The following CEP43 variants were observed in gnomAD, a reference collection of about 807,000 sequenced individuals.
CEP43 encodes FGFR1 oncogene partner.
A neutral mutation model predicts 52.6 loss-of-function variants in CEP43; 36 were observed. That is an observed-to-expected ratio of 0.68 (90% CI 0.52 to 0.90). The LOEUF (loss-of-function observed/expected upper bound fraction) is 0.90, where lower values mean the gene tolerates loss of function less well. Among genes scored for constraint, CEP43 ranks in the 40% least tolerant of loss-of-function variants. The pLI, the probability that CEP43 is intolerant of heterozygous loss-of-function variation, is 0.00. For missense variants in CEP43, 506 were observed against 472.8 expected, an observed-to-expected ratio of 1.07 and a Z score of -0.65; for synonymous variants, 192 against 172.4, an observed-to-expected ratio of 1.11 and a Z score of -0.89.
In CEP43 at chr6:167,044,501, C is replaced by T. The variant is rs1286130972; in HGVS notation, c.*4523C>T. 2 of 985,242 alleles carry T rather than the reference C, an allele frequency of 2.0e-6. No individual in the cohort carries two copies. Among genetic ancestry groups the T allele is most frequent in the Non-Finnish European group, 2.4e-6 (2 of 829,922 alleles). The allele number at this position is 985,242 out of a possible 1,614,324, so 61.0% of individuals were successfully genotyped here. On this transcript the variant is annotated 3_prime_UTR_variant, in exon 13 of 13. Coordinates refer to ENST00000366847, the MANE Select transcript of CEP43 (RefSeq NM_007045.4). Reference sequence around the variant, plus strand: ...GAGGAAGTCAGATTGGAAAAGTGTCCTCAGGTTCAAGGAAACCTGGGTGTG... The same window carrying T: ...GAGGAAGTCAGATTGGAAAAGTGTCTTCAGGTTCAAGGAAACCTGGGTGTG...
At chr6:167,002,694 G>C (rs1387394705) in intron 2 of CEP43, among the ~76,000 whole-genome samples, 1 of 152,148 alleles carries the variant, frequency 6.6e-6, no homozygotes, top group African/African-American at 2.4e-5. Flanking sequence ...CAGGCTTGAT[G>C]GTCTAGAAGT....
At chr6:167,031,692 C>T (rs1276815078) in intron 10 of CEP43, among the ~76,000 whole-genome samples, 4 of 152,176 alleles carry the variant, frequency 2.6e-5, no homozygotes, top group Admixed American at 6.5e-5. Flanking sequence ...CTGCATGTGG[C>T]TGTACATGCT....
chr6:167,021,315 A>G (rs1780227055), intron 7 of CEP43, among the ~76,000 whole-genome samples: 1 of 152,170 alleles, frequency 6.6e-6, no homozygotes, highest in Non-Finnish European at 1.5e-5. Context: ...TTTGACTTTG[A>G]TATTGACCTG....
chr6:167,027,485 T>C (rs1301648796), intron 10 of CEP43, among the ~76,000 whole-genome samples: 1 of 152,094 alleles, frequency 6.6e-6, no homozygotes, highest in African/African-American at 2.4e-5. Context: ...CATGGAAGCA[T>C]TGGAAGAGCT....
chr6:167,028,997 C>A (rs539677907), intron 10 of CEP43, among the ~76,000 whole-genome samples: 1 of 152,216 alleles, frequency 6.6e-6, no homozygotes, highest in East Asian at 1.9e-4. Flanking sequence ...AAGCTTTTTC[C>A]GTAAAGGGCC....
chr6:166,999,913 A>G (rs1438566129), intron 1 of CEP43, 147 bp from the exon 2 acceptor site: 1 of 628,786 alleles, frequency 1.6e-6, no homozygotes, highest in Non-Finnish European at 2.8e-6. Context: ...AGCTTGTGTG[A>G]CTGAGAACGT....
At chr6:167,037,042 G>C (rs933784779) in intron 12 of CEP43, among the ~76,000 whole-genome samples, 1 of 152,204 alleles carries the variant, frequency 6.6e-6, no homozygotes, top group Non-Finnish European at 1.5e-5. Context: ...CTGGCCTCTT[G>C]TGATCCCCCC....
intron 12 of CEP43, chr6:167,036,459 C>A (rs1044166809): frequency 1.0e-6 from 1 of 985,378 alleles, no homozygotes; most frequent in Non-Finnish European, 1.2e-6. Flanking sequence ...GGAGCCAGCA[C>A]GAGCAAAGAC....
intron 12 of CEP43, among the ~76,000 whole-genome samples, chr6:167,034,444 C>T (rs1024666295): frequency 1.5e-4 from 23 of 152,110 alleles, no homozygotes; most frequent in Non-Finnish European, 8.8e-5. Context: ...AGTTAGAGTC[C>T]GTATTTGAGA....
chr6:167,013,966 CTG>C (rs770299284), intron 7 of CEP43, among the ~76,000 whole-genome samples: 2 of 152,062 alleles, frequency 1.3e-5, no homozygotes, highest in African/African-American at 2.4e-5. Context: ...GAGTGAGACT[CTG>C]TCTAAAAAAA....
chr6:167,042,189 T>G lies in CEP43; in HGVS notation c.*2211T>G. The G allele has an allele frequency of 9.9e-7, 1 of 1,006,950 alleles. No homozygotes were observed. Among genetic ancestry groups the G allele is most frequent in the Non-Finnish European group, 1.2e-6 (1 of 841,794 alleles). The allele number at this position is 1,006,950 out of a possible 1,614,324, so 62.4% of individuals were successfully genotyped here. A position where few individuals can be genotyped will look rare whatever the true frequency, so the allele number is the denominator to read the frequency against. On this transcript the variant is annotated 3_prime_UTR_variant, in exon 13 of 13. Coordinates refer to ENST00000366847, the MANE Select transcript of CEP43 (RefSeq NM_007045.4). ...ACTATGAAAAAGCTTTCTTTTCACA[T>G]GTACTTTTTGATTAGGTATTATCAA...
intron 9 of CEP43, among the ~76,000 whole-genome samples, chr6:167,026,069 T>G (rs1413499312): frequency 6.6e-6 from 1 of 152,170 alleles, no homozygotes; most frequent in Non-Finnish European, 1.5e-5. Context: ...TGTTTATGGT[T>G]TAAAAAGGGA....
intron 6 of CEP43, among the ~76,000 whole-genome samples, chr6:167,012,523 A>T (rs1780008088): frequency 6.6e-6 from 1 of 152,252 alleles, no homozygotes; most frequent in African/African-American, 2.4e-5. Flanking sequence ...TAGAAAAATT[A>T]AAATTAATGA....
At chr6:167,036,653 C>CT in intron 12 of CEP43, 1 of 985,184 alleles carries the variant, frequency 1.0e-6, no homozygotes, top group Non-Finnish European at 1.2e-6. Context: ...CACAGGGATC[C>CT]TTTGTTTCCC....
chr6:167,012,510 C>G (rs997456913), intron 6 of CEP43, among the ~76,000 whole-genome samples: 5 of 152,174 alleles, frequency 3.3e-5, no homozygotes, highest in African/African-American at 1.2e-4. Context: ...AAATACCTGG[C>G]TTTAGAAAAA....
intron 10 of CEP43, chr6:167,028,053 A>G: frequency 1.1e-5 from 11 of 985,132 alleles, no homozygotes; most frequent in Non-Finnish European, 1.3e-5. Flanking sequence ...CATGGTTGCC[A>G]TTAGATGTTC....
At chr6:167,013,600 C>G in intron 7 of CEP43, 33 bp downstream of exon 7, 9 of 1,592,746 alleles carry the variant, frequency 5.7e-6, no homozygotes, top group Non-Finnish European at 7.8e-6. Context: ...AGAAAAGCAG[C>G]CTGTGGGCAT....
At chr6:167,034,026 A>T in intron 12 of CEP43, 55 bp downstream of exon 12, 2 of 773,768 alleles carry the variant, frequency 2.6e-6, no homozygotes, top group Middle Eastern at 2.4e-4. Flanking sequence ...CTATTTGTCG[A>T]TTTACTGTAA....
At chr6:167,017,431 T>A (rs1355527848) in intron 7 of CEP43, among the ~76,000 whole-genome samples, 2 of 152,210 alleles carry the variant, frequency 1.3e-5, no homozygotes, top group African/African-American at 4.8e-5. Context: ...TACTACAGCA[T>A]TTTATACGAG....
Sources: allele counts gnomAD v4.1 joint callset (sites outside exome capture counted in the v4.1 genomes callset), GRCh38; gene constraint gnomAD v4.1.1; transcripts MANE v1.5; gene names NCBI Gene and HGNC (gene_info 2026-07-23, HGNC 2026-07-21).